NECTIN3: variants seen among roughly 807,000 people sequenced by gnomAD.
The protein encoded by NECTIN3 is nectin-3.
In NECTIN3, 8 loss-of-function variants were observed where a neutral mutation model predicts 49.4. The observed-to-expected ratio is 0.16, with a 90% CI of 0.10 to 0.29. The LOEUF is 0.29. Among genes scored for constraint, NECTIN3 ranks in the 10% least tolerant of loss-of-function variants. NECTIN3 has a pLI of 1.00. For synonymous variants in NECTIN3, 277 were observed against 241.1 expected (o/e 1.15, Z -1.38); for missense variants, 581 against 654.6 (o/e 0.89, Z 1.23).
At chr3:111,083,085 C>T (rs1258155132) in intron 1 of NECTIN3, among the ~76,000 whole-genome samples, 1 of 152,106 alleles carries the variant, frequency 6.6e-6, no homozygotes, top group African/African-American at 2.4e-5. Flanking sequence ...ACAGATGAAG[C>T]TTCACTTGCT....
chr3:111,093,263 G>A (rs923940957), intron 1 of NECTIN3, among the ~76,000 whole-genome samples: 3 of 152,062 alleles, frequency 2.0e-5, no homozygotes, highest in Non-Finnish European at 4.4e-5. Context: ...ATACTTAAAG[G>A]AATTCCATTT....
rs2034579169 is a variant in NECTIN3, at chr3:111,136,473, G to A, written c.*2258G>A. On this transcript the variant is annotated 3_prime_UTR_variant, in exon 6 of 6. Transcript: ENST00000485303. ...ATTTGGCAAACTAAAAGGTTTCTGTGTTGTAAGAATCTGATACTAGTGCTT... is the reference window on the plus strand; with the variant it reads ...ATTTGGCAAACTAAAAGGTTTCTGTATTGTAAGAATCTGATACTAGTGCTT... 1.0e-6 allele frequency: 1 copy of A among 983,768 alleles called. No homozygotes were observed. Among genetic ancestry groups the A allele is most frequent in the African/African-American group, 1.8e-5 (1 of 57,106 alleles). The allele number at this position is 983,768 out of a possible 1,614,324, so 60.9% of individuals were successfully genotyped here.
chr3:111,133,126 G>A (rs950300988), intron 5 of NECTIN3, among the ~76,000 whole-genome samples: 5 of 151,402 alleles, frequency 3.3e-5, no homozygotes, highest in African/African-American at 4.8e-5. Flanking sequence ...TTAAAGATAC[G>A]CTCAGCTCTT....
chr3:111,188,740 A>G (rs559920851), upstream of NECTIN3, among the ~76,000 whole-genome samples: 2 of 152,366 alleles, frequency 1.3e-5, no homozygotes, highest in African/African-American at 4.8e-5. Flanking sequence ...ACTGACTTCC[A>G]GAGACTTGAA....
chr3:111,126,065 G>T (rs2034152854), intron 4 of NECTIN3, 119 bp from the exon 5 acceptor site: 2 of 673,710 alleles, frequency 3.0e-6, no homozygotes, highest in Admixed American at 4.2e-5. Context: ...AGTGAATTTT[G>T]TCTGAGATGC....
intron 3 of NECTIN3, among the ~76,000 whole-genome samples, chr3:111,120,693 C>G (rs2033910870): frequency 6.6e-6 from 1 of 152,106 alleles, no homozygotes; most frequent in South Asian, 2.1e-4. Flanking sequence ...TCTCTAGTTT[C>G]TCATCAGATC....
chr3:111,112,220 T>C lies in NECTIN3; in HGVS notation c.351T>C (p.Tyr117=), dbSNP rs1195300824. The C allele has an allele frequency of 3.1e-6, 5 of 1,613,768 alleles. No individual in the cohort carries two copies. The highest frequency in any genetic ancestry group is 4.2e-6 in the Non-Finnish European group (5 of 1,179,906). Reference sequence around the variant, plus strand: ...ATGGATTCTCTGTTCAAGGAGAATATCAGGGAAGAGTCTTGTTTAAAAATT... The same window carrying C: ...ATGGATTCTCTGTTCAAGGAGAATACCAGGGAAGAGTCTTGTTTAAAAATT... ...PQYGFSVQGE[Y]QGRVLFKNYS... The change falls in exon 2 of 6, where the codon TAT becomes TAC. Residue 117 remains tyrosine (Y), a synonymous_variant. Transcript: ENST00000485303.
At position 111,072,567 on chromosome 3, in the gene NECTIN3, C is replaced by T. The variant is rs1278720923; in HGVS notation, c.160+390C>T. ...GCTTTTTTTCCCGGTGAAACTTGAG[C>T]TGTGAGCCCAGAAACCCTAGGGACC... is the stretch of plus-strand genomic sequence containing the variant. On this transcript the variant is annotated intron_variant, in intron 1 of 5. Coordinates refer to ENST00000485303, the MANE Select transcript of NECTIN3 (RefSeq NM_015480.3). The T allele has an allele frequency of 1.3e-5, 20 of 1,535,354 alleles. No homozygotes were observed. The Middle Eastern group carries it at 5.0e-4, about 38-fold the overall frequency.
intron 7 of NECTIN3, among the ~76,000 whole-genome samples, chr3:111,149,232 A>G (rs527399481): frequency 6.6e-6 from 1 of 152,140 alleles, no homozygotes; most frequent in African/African-American, 2.4e-5. Context: ...TGCTGTTTCA[A>G]TTACTATTGC....
In NECTIN3 at chr3:111,110,269, C is replaced by A. The variant is rs138639167; in HGVS notation, c.161-1761C>A. Among the ~76,000 whole-genome samples the A allele has an allele frequency of 3.8e-3, 576 of 151,388 alleles. 1 individual carries two copies. The highest frequency in any genetic ancestry group is 0.013 in the African/African-American group (550 of 41,304). ...TCTTGTCTTGGTCTTTTTTTAATAC[C>A]CATGCCTCTTTCTGTTTAGTGTTGA... On this transcript the variant is annotated intron_variant, in intron 1 of 5. Transcript: ENST00000485303.
chr3:111,100,668 ACT>A (rs967743966), intron 1 of NECTIN3, among the ~76,000 whole-genome samples: 16 of 152,134 alleles, frequency 1.1e-4, no homozygotes, highest in African/African-American at 3.6e-4. Context: ...TAGGATTAAA[ACT>A]CATTTAAATA....
In NECTIN3 at chr3:111,134,110, A is replaced by T. The variant is rs957455374; in HGVS notation, c.1545A>T (p.Lys515Asn). The change falls in exon 6 of 6, where the codon AAA (lysine) becomes AAT (asparagine). Residue 515 changes from lysine (K) to asparagine (N), a missense_variant. Coordinates refer to ENST00000485303, the MANE Select transcript of NECTIN3 (RefSeq NM_015480.3). Reference protein sequence around the residue: ...ERPMDYYEDLKMGMKFVSDEH... With the variant: ...ERPMDYYEDLNMGMKFVSDEH... ...CAATGGATTATTATGAAGATCTAAAAATGGGAATGAAGTTTGTCAGTGATG... is the reference window on the plus strand; with the variant it reads ...CAATGGATTATTATGAAGATCTAAATATGGGAATGAAGTTTGTCAGTGATG... 6.2e-7 allele frequency: 1 copy of T among 1,613,638 alleles called. No homozygotes were observed. Among genetic ancestry groups the T allele is most frequent in the Admixed American group, 1.7e-5 (1 of 59,980 alleles).
Position 111,145,395 on chromosome 3 carries a change from G to A in NECTIN3, c.1139+358G>A, listed in dbSNP as rs2034848992. On this transcript the variant is annotated intron_variant, in intron 6 of 8. Transcript: ENST00000493615. ...ATAAAAATATCTTTGAAGTTTTAAT[G>A]GCTTCTTCATATTGTATATGCATGT... Among the ~76,000 whole-genome samples the A allele has an allele frequency of 3.3e-5, 5 of 152,012 alleles. No homozygotes were observed. In the South Asian group the frequency reaches 8.3e-4, roughly 25 times the overall value.
At chr3:111,090,828 G>C (rs200368424) in intron 1 of NECTIN3, among the ~76,000 whole-genome samples, 2 of 149,122 alleles carry the variant, frequency 1.3e-5, no homozygotes, top group Non-Finnish European at 3.0e-5. Context: ...ATAGGTTGGT[G>C]AAAAGTGATT....
At chr3:111,174,497 C>G (rs1357007922) in intron 7 of NECTIN3, among the ~76,000 whole-genome samples, 1 of 152,096 alleles carries the variant, frequency 6.6e-6, no homozygotes, top group Non-Finnish European at 1.5e-5. Flanking sequence ...TTTCTAAAAT[C>G]AGAAAAATTC....
chr3:111,109,670 C>G (rs1348170542), intron 1 of NECTIN3, among the ~76,000 whole-genome samples: 1 of 151,958 alleles, frequency 6.6e-6, no homozygotes, highest in Non-Finnish European at 1.5e-5. Flanking sequence ...ATATATAGGT[C>G]TGTTTGTGTA....
chr3:111,079,253 G>T (rs966295437), intron 1 of NECTIN3, among the ~76,000 whole-genome samples: 1 of 151,996 alleles, frequency 6.6e-6, no homozygotes, highest in African/African-American at 2.4e-5. Context: ...TTCTAATTTA[G>T]TTGTAGCTAG....
downstream of NECTIN3, among the ~76,000 whole-genome samples, chr3:111,138,137 C>T (rs1335211793): frequency 2.6e-5 from 4 of 151,538 alleles, no homozygotes; most frequent in Non-Finnish European, 5.9e-5. Context: ...GTGTTTTTTA[C>T]TTACTACTTT....
intron 1 of NECTIN3, among the ~76,000 whole-genome samples, chr3:111,101,469 C>T (rs528448163): frequency 2.7e-4 from 41 of 152,116 alleles, no homozygotes; most frequent in Admixed American, 1.7e-3. Context: ...ATATTGGTTA[C>T]GTGTAAGTTA....
Sources: allele counts gnomAD v4.1 joint callset (sites outside exome capture counted in the v4.1 genomes callset), GRCh38; gene constraint gnomAD v4.1.1; transcripts MANE v1.5; gene names NCBI Gene and HGNC (gene_info 2026-07-23, HGNC 2026-07-21).